EHBP1: variants seen among roughly 807,000 people sequenced by gnomAD.
EHBP1 encodes the protein EH domain binding protein 1, also known as EH domain-binding protein 1.
EHBP1 carries 55 observed loss-of-function variants against 144.0 expected under a neutral mutation model. The ratio of observed to expected loss-of-function variants is 0.38; its 90% CI spans 0.31 to 0.48. EHBP1 has a LOEUF of 0.48. Ranked by LOEUF, EHBP1 falls within the 20% of genes least tolerant of loss-of-function variation. The pLI is 0.98. For missense variants in EHBP1, 1,200 were observed against 1,364.2 expected (o/e 0.88, Z 1.90); for synonymous variants, 469 against 472.7 (o/e 0.99, Z 0.10).
chr2:62,723,314 TTC>T (rs1187727304), intron 2 of EHBP1, among the ~76,000 whole-genome samples: 1 of 152,208 alleles, frequency 6.6e-6, no homozygotes, highest in Non-Finnish European at 1.5e-5. Context: ...TTGATTTTTT[TTC>T]TGTTTTCTAT....
At chr2:62,916,063 G>A (rs893468786) in intron 10 of EHBP1, among the ~76,000 whole-genome samples, 1 of 152,188 alleles carries the variant, frequency 6.6e-6, no homozygotes, top group African/African-American at 2.4e-5. Context: ...GTGCACATGT[G>A]TAGTCCCAGA....
intron 7 of EHBP1, among the ~76,000 whole-genome samples, chr2:62,836,130 C>T (rs1343272986): frequency 9.2e-5 from 14 of 152,256 alleles, no homozygotes; most frequent in East Asian, 1.9e-4. Flanking sequence ...TCTCCCAGCA[C>T]GCAGCTGGAG....
At chr2:63,044,008 T>TTCTGCTATC (rs2061808375) in intron 21 of EHBP1, 1 of 141,536 alleles carries the variant, frequency 7.1e-6, no homozygotes, top group Non-Finnish European at 1.5e-5. Context: ...TCCTCATTTG[T>TTCTGCTATC]TCTGCTATCT....
intron 5 of EHBP1, among the ~76,000 whole-genome samples, chr2:62,780,989 A>G (rs975879855): frequency 6.6e-6 from 1 of 152,188 alleles, no homozygotes; most frequent in Non-Finnish European, 1.5e-5. Flanking sequence ...ATGATTACTT[A>G]TTACTCATAA....
intron 7 of EHBP1, among the ~76,000 whole-genome samples, chr2:62,839,794 A>C (rs939593912): frequency 1.3e-5 from 2 of 152,158 alleles, no homozygotes; most frequent in Non-Finnish European, 2.9e-5. Context: ...ATGTGAAGCA[A>C]CTCTTCAAGG....
At chr2:63,018,746 T>C (rs2153275374) in intron 19 of EHBP1, among the ~76,000 whole-genome samples, 1 of 152,342 alleles carries the variant, frequency 6.6e-6, no homozygotes, top group East Asian at 1.9e-4. Context: ...ATGTAAAGTA[T>C]AATTTTTGAA....
At position 62,948,213 on chromosome 2, in the gene EHBP1, A is replaced by T. The variant is rs200182084; in HGVS notation, c.1414-47A>T. 4 of 1,436,456 alleles carry T rather than the reference A, an allele frequency of 2.8e-6. No individual in the cohort carries two copies. The South Asian group carries it at 6.4e-5, about 23-fold the overall frequency. 89.0% of individuals were successfully genotyped at this position (1,436,456 alleles called of 1,614,324 possible). A position where few individuals can be genotyped will look rare whatever the true frequency, so the allele number is the denominator to read the frequency against. ...AATGTGCTCTTTTTAAAATGTGTGA[A>T]TTATATGAACTGTTCAATATATCTT... is the stretch of plus-strand genomic sequence containing the variant. On this transcript the variant is annotated intron_variant, in intron 12 of 22. Coordinates refer to ENST00000431489, the MANE Select transcript of EHBP1 (RefSeq NM_001142616.3).
chr2:62,711,841 G>C (rs2035174468), intron 2 of EHBP1, among the ~76,000 whole-genome samples: 1 of 152,146 alleles, frequency 6.6e-6, no homozygotes, highest in East Asian at 1.9e-4. Context: ...CGTTGGATTT[G>C]GCAAGATGGA....
chr2:62,820,807 G>A (rs2045926414), intron 5 of EHBP1, among the ~76,000 whole-genome samples: 2 of 119,280 alleles, frequency 1.7e-5, no homozygotes, highest in African/African-American at 3.1e-5. Flanking sequence ...CCATTCATCA[G>A]CAGGATATTT....
chr2:62,942,907 A>T lies in EHBP1; in HGVS notation c.1364+11A>T. On this transcript the variant is annotated intron_variant, in intron 11 of 22. Coordinates refer to ENST00000431489, the MANE Select transcript of EHBP1 (RefSeq NM_001142616.3). ...TAGACCAGATTTAATGTAAGTAGAA[A>T]CATTTTCCATTCCCTATATTTTGTA... 1 of 1,558,698 alleles carries T rather than the reference A, an allele frequency of 6.4e-7. No individual in the cohort carries two copies. The highest frequency in any genetic ancestry group is 8.7e-7 in the Non-Finnish European group (1 of 1,143,590).
intron 9 of EHBP1, among the ~76,000 whole-genome samples, chr2:62,865,350 A>G (rs903194943): frequency 6.6e-5 from 10 of 152,192 alleles, no homozygotes; most frequent in African/African-American, 2.4e-4. Context: ...CAAAATAATC[A>G]TTTGTGGTAT....
At chr2:62,683,057 G>A (rs1030265947) in intron 1 of EHBP1, among the ~76,000 whole-genome samples, 2 of 152,132 alleles carry the variant, frequency 1.3e-5, no homozygotes, top group Admixed American at 1.3e-4. Flanking sequence ...AATGGCCTAA[G>A]CAAAGGGAAT....
chr2:62,950,747 G>A (rs1193118589), intron 13 of EHBP1, among the ~76,000 whole-genome samples: 2 of 151,830 alleles, frequency 1.3e-5, no homozygotes, highest in African/African-American at 4.8e-5. Context: ...GTGCAATGGT[G>A]CCATCTTGGC....
intron 13 of EHBP1, among the ~76,000 whole-genome samples, chr2:62,955,183 T>G (rs2153109674): frequency 6.6e-6 from 1 of 152,114 alleles, no homozygotes; most frequent in East Asian, 1.9e-4. Context: ...CTTTAAAAAA[T>G]GTCTTTGTCA....
At chr2:63,020,060 T>C (rs576182214) in intron 19 of EHBP1, among the ~76,000 whole-genome samples, 1 of 151,840 alleles carries the variant, frequency 6.6e-6, no homozygotes, top group East Asian at 2.0e-4. Context: ...GCGAGGTGGC[T>C]CATGCCTGTA....
At chr2:62,847,859 C>T (rs2048403054) in intron 7 of EHBP1, among the ~76,000 whole-genome samples, 1 of 151,994 alleles carries the variant, frequency 6.6e-6, no homozygotes, top group African/African-American at 2.4e-5. Context: ...ACATATGGTT[C>T]ACAAAGATCT....
At chr2:62,676,281 T>G (rs1406935274) in intron 1 of EHBP1, among the ~76,000 whole-genome samples, 1 of 152,260 alleles carries the variant, frequency 6.6e-6, no homozygotes, top group Non-Finnish European at 1.5e-5. Flanking sequence ...TAAACCTTAA[T>G]GACTAGTAAG....
rs1300959438 is a variant in EHBP1 at position 62,838,720 on chromosome 2, C to T, written c.634+7562C>T. On this transcript the variant is annotated intron_variant, in intron 7 of 22. Transcript: ENST00000431489. ...AAAGAATACTACAAACACCTCTATG[C>T]AAATAAACTAGAAAATCTAGAAGAA... 5.7e-3 allele frequency among the ~76,000 whole-genome samples: 858 copies of T among 151,748 alleles called. 8 individuals carry two copies. Among genetic ancestry groups the T allele is most frequent in the Middle Eastern group, 0.01 (3 of 292 alleles).
chr2:62,945,908 G>A (rs1020813674), intron 12 of EHBP1, among the ~76,000 whole-genome samples: 1 of 152,148 alleles, frequency 6.6e-6, no homozygotes, highest in Admixed American at 6.5e-5. Flanking sequence ...ATTACCCTTT[G>A]GATGGGCATG....
Sources: allele counts gnomAD v4.1 joint callset (sites outside exome capture counted in the v4.1 genomes callset), GRCh38; gene constraint gnomAD v4.1.1; transcripts MANE v1.5; gene names NCBI Gene and HGNC (gene_info 2026-07-23, HGNC 2026-07-21).